KSR2: variants seen among roughly 807,000 people sequenced by gnomAD.
The protein encoded by KSR2 is kinase suppressor of ras 2.
KSR2 carries 25 observed loss-of-function variants against 107.8 expected under a neutral mutation model. The observed-to-expected ratio is 0.23, with a 90% CI of 0.17 to 0.32. The LOEUF (loss-of-function observed/expected upper bound fraction) is 0.32, where lower values mean the gene tolerates loss of function less well. Among genes scored for constraint, KSR2 ranks in the 10% least tolerant of loss-of-function variants. The pLI is 1.00. For missense variants in KSR2, 887 were observed against 1,268.9 expected (o/e 0.70, Z 4.57); for synonymous variants, 480 against 507.0 (o/e 0.95, Z 0.71).
chr12:117,936,562 A>G (rs1253558857), intron 1 of KSR2, among the ~76,000 whole-genome samples: 1 of 151,088 alleles, frequency 6.6e-6, no homozygotes, highest in East Asian at 1.9e-4. Context: ...TAGTAGTAGT[A>G]GTAGTAGTAG....
At chr12:117,865,521 C>CTTCTT (rs1043992011) in intron 1 of KSR2, among the ~76,000 whole-genome samples, 2 of 152,112 alleles carry the variant, frequency 1.3e-5, no homozygotes, top group African/African-American at 2.4e-5. Context: ...GCTTTATCAA[C>CTTCTT]TTCTTTTCTT....
intron 5 of KSR2, among the ~76,000 whole-genome samples, chr12:117,623,550 G>A (rs1882306785): frequency 6.6e-6 from 1 of 152,152 alleles, no homozygotes; most frequent in Non-Finnish European, 1.5e-5. Context: ...CCCTGCAAAG[G>A]ACATGAACTC....
chr12:117,704,894 G>T (rs1031835216), intron 4 of KSR2, among the ~76,000 whole-genome samples: 6 of 151,812 alleles, frequency 4.0e-5, no homozygotes, highest in African/African-American at 1.5e-4. Flanking sequence ...AGAAGGATCT[G>T]GGGATGAGAT....
At chr12:117,551,161 T>G (rs1021894842) in intron 9 of KSR2, among the ~76,000 whole-genome samples, 3 of 152,190 alleles carry the variant, frequency 2.0e-5, no homozygotes, top group African/African-American at 7.2e-5. Flanking sequence ...CCATAAGGAA[T>G]TGGCAGATGC....
At chr12:117,525,295 C>G (rs527831432) in intron 13 of KSR2, 76 bp from the exon 14 acceptor site, 4 of 1,451,100 alleles carry the variant, frequency 2.8e-6, no homozygotes, top group Non-Finnish European at 2.8e-6. Context: ...TGCTGGGTCC[C>G]GTGCACATGC....
At position 117,694,845 on chromosome 12, in the gene KSR2, C is replaced by CTTTT. The variant is rs34228762; in HGVS notation, c.987-27191_987-27188dup. Among the ~76,000 whole-genome samples the CTTTT allele has an allele frequency of 3.2e-3, 318 of 99,002 alleles. 7 individuals are homozygous for CTTTT. Among genetic ancestry groups the CTTTT allele is most frequent in the East Asian group, 6.2e-3 (19 of 3,064 alleles). The allele number at this position is 99,002 out of a possible 152,430, so 64.9% of individuals were successfully genotyped here. ...ACAAAAGGACAAATGTTGTATGATT[C>CTTTT]TTTTTTTTTTTTTTTTTTTTTTGAG... On this transcript the variant is annotated intron_variant, in intron 4 of 19. Transcript: ENST00000339824.
At chr12:117,688,968 G>A (rs755044519) in intron 4 of KSR2, among the ~76,000 whole-genome samples, 19 of 152,036 alleles carry the variant, frequency 1.2e-4, no homozygotes, top group Non-Finnish European at 2.5e-4. Context: ...TACACACATA[G>A]TAGGTATTTT....
intron 7 of KSR2, among the ~76,000 whole-genome samples, chr12:117,574,540 C>T (rs1285122097): frequency 1.3e-5 from 2 of 152,134 alleles, no homozygotes; most frequent in Non-Finnish European, 2.9e-5. Flanking sequence ...CCTCATAAAA[C>T]CATCAGATCT....
At chr12:117,517,528 C>G (rs1409355109) in intron 14 of KSR2, among the ~76,000 whole-genome samples, 1 of 152,168 alleles carries the variant, frequency 6.6e-6, no homozygotes, top group Non-Finnish European at 1.5e-5. Context: ...GTGGTGAGGT[C>G]TTCAGCCATG....
At chr12:117,793,932 T>G (rs934732667) in intron 3 of KSR2, among the ~76,000 whole-genome samples, 1 of 104,596 alleles carries the variant, frequency 9.6e-6, no homozygotes, top group Non-Finnish European at 1.8e-5. Flanking sequence ...ACACACACCA[T>G]GCACACATAC....
At chr12:117,940,463 T>C (rs1267602365) in intron 1 of KSR2, among the ~76,000 whole-genome samples, 1 of 152,192 alleles carries the variant, frequency 6.6e-6, no homozygotes, top group Non-Finnish European at 1.5e-5. Context: ...GTGAGGTACA[T>C]GAACTTGGGA....
intron 5 of KSR2, among the ~76,000 whole-genome samples, chr12:117,595,636 T>C (rs1211632472): frequency 5.3e-5 from 8 of 152,218 alleles, no homozygotes; most frequent in Non-Finnish European, 1.0e-4. Flanking sequence ...GTGCTGGGAT[T>C]ACAGGCGTGA....
chr12:117,539,793 G>A lies in KSR2; in HGVS notation c.1613C>T (p.Pro538Leu), dbSNP rs761431727. The change falls in exon 10 of 20, where the codon CCT becomes CTT. Residue 538 changes from proline (P) to leucine (L), a missense_variant. Coordinates refer to ENST00000339824, the MANE Select transcript of KSR2 (RefSeq NM_173598.6). Reference sequence around the variant, plus strand: ...TAGGGGAGAAGGCGGCGTGGCACTAGGAGGGAGGGGGGGTGCTGGCGAGGA... The same window carrying A: ...TAGGGGAGAAGGCGGCGTGGCACTAAGAGGGAGGGGGGGTGCTGGCGAGGA... ...TPSSPAPPLP[P>L]SATPPSPLHP... 1 of 1,607,828 alleles carries A rather than the reference G, an allele frequency of 6.2e-7. No homozygotes were observed. Among genetic ancestry groups the A allele is most frequent in the South Asian group, 1.1e-5 (1 of 90,544 alleles).
intron 5 of KSR2, among the ~76,000 whole-genome samples, chr12:117,586,644 A>AGAAAGAAAGAAAGAAG (rs1880017113): frequency 6.6e-6 from 1 of 151,412 alleles, no homozygotes; most frequent in South Asian, 2.1e-4. Flanking sequence ...AAAGAAAGAA[A>AGAAAGAAAGAAAGAAG]GAAAGAAAGA....
rs12369419 is a variant in KSR2, at chr12:117,582,240, C to T, written c.1241+50G>A. 16 of 1,524,914 alleles carry T rather than the reference C, an allele frequency of 1.0e-5. No homozygotes were observed. In the African/African-American group the frequency reaches 2.0e-4, roughly 19 times the overall value. The allele number at this position is 1,524,914 out of a possible 1,614,324, so 94.5% of individuals were successfully genotyped here. ...CAGGGCAGGGGCCAGAGCCCCCACC[C>T]CTCACAGAGCTGAGAAGTAGGCACC... On this transcript the variant is annotated intron_variant, in intron 6 of 19. Coordinates refer to ENST00000339824, the MANE Select transcript of KSR2 (RefSeq NM_173598.6).
intron 4 of KSR2, among the ~76,000 whole-genome samples, chr12:117,727,241 G>A (rs1414895323): frequency 1.3e-5 from 2 of 151,874 alleles, no homozygotes; most frequent in Admixed American, 6.6e-5. Flanking sequence ...CAGGCATGAT[G>A]GCGGGCACCT....
chr12:117,591,493 A>G (rs375688803), intron 5 of KSR2, among the ~76,000 whole-genome samples: 7 of 152,022 alleles, frequency 4.6e-5, no homozygotes, highest in Non-Finnish European at 8.8e-5. Flanking sequence ...TGAGATAGAG[A>G]TAGGAGATGC....
intron 9 of KSR2, among the ~76,000 whole-genome samples, chr12:117,540,444 T>C (rs1876399932): frequency 1.3e-5 from 2 of 152,146 alleles, no homozygotes; most frequent in South Asian, 4.1e-4. Flanking sequence ...CCAAGCACAG[T>C]AGTGGGTTGA....
chr12:117,503,899 T>C (rs1267344455), intron 14 of KSR2, among the ~76,000 whole-genome samples: 2 of 152,212 alleles, frequency 1.3e-5, no homozygotes, highest in Non-Finnish European at 2.9e-5. Context: ...CATCACTATT[T>C]TGGGAAAGCA....
Sources: gnomAD v4.1 joint callset for allele counts (sites outside exome capture counted in the v4.1 genomes callset) on GRCh38, gnomAD v4.1.1 for gene constraint, MANE v1.5 for transcripts, NCBI Gene and HGNC (gene_info 2026-07-23, HGNC 2026-07-21) for gene names.